Variants in WDPCP observed in about 807,000 individuals in gnomAD.
The protein encoded by WDPCP is WD repeat containing planar cell polarity effector.
Under a neutral mutation model 93.1 loss-of-function variants are expected in WDPCP, and 71 were observed. That is an observed-to-expected ratio of 0.76 (90% CI 0.63 to 0.93). WDPCP has a LOEUF of 0.93. WDPCP is among the 40% of genes least tolerant of loss of function. The probability of loss-of-function intolerance (pLI) is 0.00; values close to 1 mark genes in which losing one functional copy is unlikely to be tolerated. For synonymous variants in WDPCP, 315 were observed against 315.0 expected (o/e 1.00, Z 0.00); for missense variants, 844 against 887.4 (o/e 0.95, Z 0.62).
chr2:63,481,467 A>G (rs1700262880), intron 6 of WDPCP, among the ~76,000 whole-genome samples: 1 of 152,132 alleles, frequency 6.6e-6, no homozygotes, highest in Non-Finnish European at 1.5e-5. Flanking sequence ...CACAATTCGC[A>G]ATTGCAAAAA....
intron 3 of WDPCP, among the ~76,000 whole-genome samples, chr2:63,639,070 G>A (rs1709952381): frequency 6.6e-6 from 1 of 152,190 alleles, no homozygotes; most frequent in African/African-American, 2.4e-5. Context: ...ATATGAAATA[G>A]AGAATTTGAA....
At chr2:63,645,378 T>C (rs1710035682) in intron 3 of WDPCP, among the ~76,000 whole-genome samples, 1 of 152,164 alleles carries the variant, frequency 6.6e-6, no homozygotes, top group African/African-American at 2.4e-5. Context: ...CTGGATAGTA[T>C]TTCAATTTTT....
chr2:63,477,927 G>A (rs1262823421), intron 6 of WDPCP: 1 of 152,132 alleles, frequency 6.6e-6, no homozygotes. Flanking sequence ...CTTTTGTCTT[G>A]CAGAGATCCT....
Position 63,816,619 on chromosome 2 carries a change from C to T in WDPCP, n.223-2912G>A, listed in dbSNP as rs541469876. Reference sequence around the variant, plus strand: ...TCCCCTAGAGTCTTCAGAGGGAGCACAGCCCTGCCAACACCCTGATTTTGG... The same window carrying T: ...TCCCCTAGAGTCTTCAGAGGGAGCATAGCCCTGCCAACACCCTGATTTTGG... On this transcript the variant is annotated intron_variant and non_coding_transcript_variant, in intron 1 of 4. Coordinates refer to the WDPCP transcript ENST00000467687. Among the ~76,000 whole-genome samples, 12 of 152,316 alleles carry T rather than the reference C, an allele frequency of 7.9e-5. No individual in the cohort carries two copies. In the South Asian group the frequency reaches 2.5e-3, roughly 32 times the overall value.
chr2:63,529,775 C>T (rs1178778226), intron 1 of WDPCP, among the ~76,000 whole-genome samples: 4 of 152,112 alleles, frequency 2.6e-5, no homozygotes, highest in Admixed American at 1.3e-4. Flanking sequence ...AGGAATGGTA[C>T]CAGCTCCTCC....
At chr2:63,142,472 A>C (rs559533542) in intron 17 of WDPCP, among the ~76,000 whole-genome samples, 7 of 152,268 alleles carry the variant, frequency 4.6e-5, no homozygotes, top group African/African-American at 1.7e-4. Flanking sequence ...GTTGATTTCC[A>C]GTTTTATTCC....
intron 2 of WDPCP, among the ~76,000 whole-genome samples, chr2:63,774,837 T>C (rs1344774336): frequency 6.6e-6 from 1 of 152,162 alleles, no homozygotes; most frequent in African/African-American, 2.4e-5. Flanking sequence ...ACTGTTTCAA[T>C]AGTCTCCCAT....
At chr2:63,555,314 C>A (rs1240363482) in intron 1 of WDPCP, among the ~76,000 whole-genome samples, 1 of 152,214 alleles carries the variant, frequency 6.6e-6, no homozygotes, top group East Asian at 1.9e-4. Context: ...GCAACTCTAG[C>A]CAGGGGTTTA....
At chr2:63,531,535 G>A (rs1340780997) in intron 1 of WDPCP, among the ~76,000 whole-genome samples, 1 of 152,158 alleles carries the variant, frequency 6.6e-6, no homozygotes, top group African/African-American at 2.4e-5. Flanking sequence ...TGTAATATAT[G>A]CTGTTCTGCA....
intron 1 of WDPCP, among the ~76,000 whole-genome samples, chr2:63,498,852 C>G (rs1157708943): frequency 4.6e-5 from 7 of 152,124 alleles, no homozygotes; most frequent in African/African-American, 1.7e-4. Flanking sequence ...AGCATGGCAT[C>G]CATAAGACAT....
intron 2 of WDPCP, among the ~76,000 whole-genome samples, chr2:63,731,906 C>A (rs540319662): frequency 2.1e-4 from 32 of 152,264 alleles, no homozygotes; most frequent in African/African-American, 7.7e-4. Flanking sequence ...TTAGATTAAG[C>A]AAAGTCTAGT....
At chr2:63,516,724 G>C (rs891217937) in intron 1 of WDPCP, among the ~76,000 whole-genome samples, 2 of 152,100 alleles carry the variant, frequency 1.3e-5, no homozygotes, top group African/African-American at 4.8e-5. Context: ...GGCCTATCTG[G>C]TCCATTCTCA....
intron 13 of WDPCP, among the ~76,000 whole-genome samples, chr2:63,262,256 A>G (rs1185147836): frequency 6.6e-6 from 1 of 152,148 alleles, no homozygotes; most frequent in Non-Finnish European, 1.5e-5. Flanking sequence ...AAAATATGCA[A>G]TACATTTGAG....
At chr2:63,494,826 A>G (rs1437578307) in intron 1 of WDPCP, among the ~76,000 whole-genome samples, 2 of 150,688 alleles carry the variant, frequency 1.3e-5, no homozygotes, top group African/African-American at 4.9e-5. Flanking sequence ...AGGCTGAGGC[A>G]GGAGAATGGC....
At chr2:63,400,891 G>A (rs1694096681) in intron 10 of WDPCP, among the ~76,000 whole-genome samples, 1 of 152,152 alleles carries the variant, frequency 6.6e-6, no homozygotes, top group African/African-American at 2.4e-5. Context: ...AACAAGCAAT[G>A]GGGAGAGGAT....
intron 12 of WDPCP, among the ~76,000 whole-genome samples, chr2:63,359,524 C>G (rs59718895): frequency 0.016 from 2,362 of 152,214 alleles, 63 homozygotes; most frequent in African/African-American, 0.054. Context: ...CTAGGAGAAA[C>G]CAGATCTCTC....
chr2:63,463,224 A>G (rs1699135672), intron 6 of WDPCP, among the ~76,000 whole-genome samples: 1 of 151,914 alleles, frequency 6.6e-6, no homozygotes, highest in South Asian at 2.1e-4. Flanking sequence ...AGATGATAAG[A>G]TTTTTTTTAC....
intron 17 of WDPCP, among the ~76,000 whole-genome samples, chr2:63,137,888 T>C (rs1670741737): frequency 6.6e-6 from 1 of 152,154 alleles, no homozygotes. Flanking sequence ...TATTTCTGCA[T>C]TCTCTATTCT....
intron 13 of WDPCP, among the ~76,000 whole-genome samples, chr2:63,272,609 C>T (rs1682749484): frequency 6.6e-6 from 1 of 152,044 alleles, no homozygotes. Flanking sequence ...AACTCATGAT[C>T]CGAATGAGAA....
Sources: gnomAD v4.1 joint callset for allele counts (sites outside exome capture counted in the v4.1 genomes callset) on GRCh38, gnomAD v4.1.1 for gene constraint, MANE v1.5 for transcripts, NCBI Gene and HGNC (gene_info 2026-07-23, HGNC 2026-07-21) for gene names.